FBXO39: variants seen among roughly 807,000 people sequenced by gnomAD.
FBXO39 encodes F-box protein 39, also known as F-box only protein 39.
FBXO39 carries 22 observed loss-of-function variants against 36.6 expected under a neutral mutation model. That is an observed-to-expected ratio of 0.60 (90% CI 0.43 to 0.86). FBXO39 has a LOEUF of 0.86. FBXO39 is among the 40% of genes least tolerant of loss of function. FBXO39 has a pLI of 0.00. For missense variants in FBXO39, 536 were observed against 543.9 expected, an observed-to-expected ratio of 0.99 and a Z score of 0.14; for synonymous variants, 206 against 205.8, an observed-to-expected ratio of 1.00 and a Z score of -0.01.
In FBXO39 at chr17:6,780,166, T is replaced by TA. The variant is rs1352685189; in HGVS notation, c.299dup (p.Tyr100Ter). 6.2e-7 allele frequency: 1 copy of TA among 1,614,190 alleles called. No homozygotes were observed. The highest frequency in any genetic ancestry group is 2.2e-5 in the East Asian group (1 of 44,888). ...EHLEVKFMNPYNAVLTKKFQV... is the reference protein window; with the variant it reads ...EHLEVKFMNP The stretch of plus-strand genomic sequence containing the variant: ...CCTGGAGGTCAAATTCATGAATCCT[T>TA]ACAATGCTGTCTTGACCAAGAAGTT... The change falls in exon 2 of 4, where the codon TAC becomes TAAC. Residue 100 changes from tyrosine (Y) to a stop codon, truncating the protein, a stop_gained and frameshift_variant. Coordinates refer to ENST00000321535, the MANE Select transcript of FBXO39 (RefSeq NM_153230.3). LOFTEE classifies it high-confidence loss of function.
At chr17:6,777,268 C>A (rs951722945) in intron 1 of FBXO39, among the ~76,000 whole-genome samples, 1 of 151,876 alleles carries the variant, frequency 6.6e-6, no homozygotes, top group Non-Finnish European at 1.5e-5. Context: ...TTGCCCGCCA[C>A]CCCCCGACAG....
intron 2 of FBXO39, 99 bp from the exon 3 acceptor site, chr17:6,786,681 C>G: frequency 1.0e-6 from 1 of 970,544 alleles, no homozygotes; most frequent in Non-Finnish European, 1.5e-6. Context: ...ATCATCATGG[C>G]TATCAGGCCC....
Position 6,780,629 on chromosome 17 carries a change from T to C in FBXO39, c.761T>C (p.Ile254Thr). 6.2e-7 allele frequency: 1 copy of C among 1,613,998 alleles called. No homozygotes were observed. The change falls in exon 2 of 4, where the codon ATC becomes ACC. Residue 254 changes from isoleucine (I) to threonine (T), a missense_variant. By Grantham distance (89) the Ile-to-Thr change is moderately conservative (BLOSUM62 -1). Transcript: ENST00000321535. ...GAGAATGCCAGCACCCTCCGGACCATCAACATCAAATGCCACGTTCATGAC... is the reference window on the plus strand; with the variant it reads ...GAGAATGCCAGCACCCTCCGGACCACCAACATCAAATGCCACGTTCATGAC... ...LCENASTLRTINIKCHVHDPH... is the reference protein window; with the variant it reads ...LCENASTLRTTNIKCHVHDPH...
intron 3 of FBXO39, 51 bp from the exon 4 acceptor site, chr17:6,787,249 T>TGCGC (rs750487814): frequency 1.3e-4 from 206 of 1,552,110 alleles, no homozygotes; most frequent in East Asian, 8.8e-4. Context: ...TGTGTGTGTG[T>TGCGC]GTGTGCGTGT....
chr17:6,780,084 A>C lies in FBXO39; in HGVS notation c.216A>C (p.Ala72=). The C allele has an allele frequency of 2.5e-6, 4 of 1,614,220 alleles. No homozygotes were observed. Among genetic ancestry groups the C allele is most frequent in the Non-Finnish European group, 2.5e-6 (3 of 1,180,032 alleles). Residue 72 remains alanine, a synonymous_variant, in exon 2 of 4, where the codon GCA becomes GCC. Transcript: ENST00000321535. ...TFSGRPSRVH[A]SEVESAVWYV... ...GCGGGAGACCTTCCAGGGTACATGC[A>C]TCTGAAGTTGAGTCAGCTGTTTGGT...
chr17:6,781,924 CTTACTA>C (rs1976512756), intron 2 of FBXO39, among the ~76,000 whole-genome samples: 1 of 152,162 alleles, frequency 6.6e-6, no homozygotes, highest in Non-Finnish European at 1.5e-5. Context: ...AAGACGTATA[CTTACTA>C]TTACTTACTG....
At chr17:6,776,673 A>G (rs1976418802) in intron 1 of FBXO39, among the ~76,000 whole-genome samples, 2 of 152,152 alleles carry the variant, frequency 1.3e-5, no homozygotes, top group Non-Finnish European at 2.9e-5. Flanking sequence ...GTACCTCGGC[A>G]CCAACTTTCT....
intron 2 of FBXO39, among the ~76,000 whole-genome samples, chr17:6,781,804 G>T (rs567160143): frequency 1.2e-4 from 18 of 152,224 alleles, no homozygotes; most frequent in African/African-American, 4.1e-4. Flanking sequence ...TATCTAAAAA[G>T]CCCCCAAATT....
At position 6,787,223 on chromosome 17, in the gene FBXO39, C is replaced by CGTGT. The variant is rs754209458; in HGVS notation, c.1201-66_1201-63dup. On this transcript the variant is annotated intron_variant, in intron 3 of 3. Coordinates refer to ENST00000321535, the MANE Select transcript of FBXO39 (RefSeq NM_153230.3). ...GTCAAGCCCTGAAAAGTGTAGTCAC[C>CGTGT]GTGTGTGTGTGTGTATGTGTGTGTG... 8,698 of 1,391,726 alleles carry CGTGT rather than the reference C, an allele frequency of 6.2e-3. 23 individuals are homozygous for CGTGT. Among genetic ancestry groups the CGTGT allele is most frequent in the African/African-American group, 0.016 (1,000 of 62,324 alleles). The allele number at this position is 1,391,726 out of a possible 1,614,324, so 86.2% of individuals were successfully genotyped here. A position where few individuals can be genotyped will look rare whatever the true frequency, so the allele number is the denominator to read the frequency against.
chr17:6,779,047 GT>G (rs1204942754), intron 1 of FBXO39, among the ~76,000 whole-genome samples: 1 of 152,090 alleles, frequency 6.6e-6, no homozygotes, highest in African/African-American at 2.4e-5. Flanking sequence ...CTCAGCTGGG[GT>G]TTTCCACCCT....
intron 2 of FBXO39, among the ~76,000 whole-genome samples, chr17:6,786,360 G>A (rs896041351): frequency 6.6e-6 from 1 of 152,140 alleles, no homozygotes; most frequent in Non-Finnish European, 1.5e-5. Flanking sequence ...AGGGTAGTAG[G>A]GGGTGCAGAG....
chr17:6,777,266 C>T (rs1976437577), intron 1 of FBXO39, among the ~76,000 whole-genome samples: 1 of 152,032 alleles, frequency 6.6e-6, no homozygotes, highest in Non-Finnish European at 1.5e-5. Context: ...CCTTGCCCGC[C>T]ACCCCCCGAC....
Position 6,781,152 on chromosome 17 carries a change from C to T in FBXO39, c.1023+261C>T, listed in dbSNP as rs148741485. ...TCAGCTAGGGAAAACCCCTAAGTCC[C>T]CACTCAGAGCTATGAAGCCTGAGCC... On this transcript the variant is annotated intron_variant, in intron 2 of 3. Coordinates refer to ENST00000321535, the MANE Select transcript of FBXO39 (RefSeq NM_153230.3). Among the ~76,000 whole-genome samples the T allele has an allele frequency of 4.4e-3, 669 of 152,358 alleles. 6 individuals carry two copies. Among genetic ancestry groups the T allele is most frequent in the African/African-American group, 0.014 (570 of 41,592 alleles).
intron 2 of FBXO39, among the ~76,000 whole-genome samples, chr17:6,783,941 C>A (rs1489810439): frequency 6.6e-6 from 1 of 152,064 alleles, no homozygotes; most frequent in Non-Finnish European, 1.5e-5. Context: ...ATACCAAAGC[C>A]AGATAAAGAC....
Position 6,780,259 on chromosome 17 carries a change from A to T in FBXO39, c.391A>T (p.Ile131Phe), listed in dbSNP as rs1244209960. Residue 131 changes from isoleucine (I) to phenylalanine (F), a missense_variant, in exon 2 of 4, where the codon ATC becomes TTC. Coordinates refer to ENST00000321535, the MANE Select transcript of FBXO39 (RefSeq NM_153230.3). ...CAACAACCGTCTGAAATCTCTTTCC[A>T]TCCAATACCTGGAGCTGGACCGCCT... is the stretch of plus-strand genomic sequence containing the variant. The part of the protein sequence containing the change: ...KSNNRLKSLS[I>F]QYLELDRLVW... 1 of 1,613,946 alleles carries T rather than the reference A, an allele frequency of 6.2e-7. No individual in the cohort carries two copies. The highest frequency in any genetic ancestry group is 1.3e-5 in the African/African-American group (1 of 74,918).
At position 6,780,490 on chromosome 17, in the gene FBXO39, C is replaced by G; in HGVS notation, c.622C>G (p.Leu208Val). Residue 208 changes from leucine (L) to valine (V), a missense_variant, in exon 2 of 4, where the codon CTT (leucine) becomes GTT (valine). Leu to Val is a conservative substitution (Grantham distance 32). Coordinates refer to ENST00000321535, the MANE Select transcript of FBXO39 (RefSeq NM_153230.3). Reference sequence around the variant, plus strand: ...CATCGAGGACTATTTCAGCCATCACCTTGCTGTCTACAACAGCCCCCAGTT... The same window carrying G: ...CATCGAGGACTATTTCAGCCATCACGTTGCTGTCTACAACAGCCCCCAGTT... ...LNIEDYFSHH[L>V]AVYNSPQFKK... 6.2e-7 allele frequency: 1 copy of G among 1,614,172 alleles called. No homozygotes were observed. The highest frequency in any genetic ancestry group is 8.5e-7 in the Non-Finnish European group (1 of 1,180,040).
chr17:6,778,433 GAAGA>G (rs765918495), intron 1 of FBXO39, among the ~76,000 whole-genome samples: 1 of 152,142 alleles, frequency 6.6e-6, no homozygotes, highest in Non-Finnish European at 1.5e-5. Flanking sequence ...AAAAAGTACA[GAAGA>G]AAGAGTCAAA....
Position 6,787,556 on chromosome 17 carries a change from C to G in FBXO39, c.*128C>G. ...CCCCTCCACTTTTTTTTTTTGTCAGCTCCATGACAACATGACCAGCTCAGC... is the reference window on the plus strand; with the variant it reads ...CCCCTCCACTTTTTTTTTTTGTCAGGTCCATGACAACATGACCAGCTCAGC... On this transcript the variant is annotated 3_prime_UTR_variant, in exon 4 of 4. Transcript: ENST00000321535. 1.8e-6 allele frequency: 2 copies of G among 1,082,048 alleles called. No homozygotes were observed. The highest frequency in any genetic ancestry group is 2.6e-6 in the Non-Finnish European group (2 of 758,536). 67.0% of individuals were successfully genotyped at this position (1,082,048 alleles called of 1,614,324 possible).
intron 1 of FBXO39, 59 bp downstream of exon 1, chr17:6,776,331 A>C (rs1372220496): frequency 6.6e-6 from 1 of 152,454 alleles, no homozygotes; most frequent in Non-Finnish European, 1.5e-5. Flanking sequence ...TAACGGGAGA[A>C]TGCGGGCCGG....
Sources: allele counts gnomAD v4.1 joint callset (sites outside exome capture counted in the v4.1 genomes callset), GRCh38; gene constraint gnomAD v4.1.1; transcripts MANE v1.5; gene names NCBI Gene and HGNC (gene_info 2026-07-23, HGNC 2026-07-21).